The following BAZ2B variants were observed in gnomAD, a reference collection of about 807,000 sequenced individuals.
BAZ2B encodes bromodomain adjacent to zinc finger domain protein 2B.
In BAZ2B, 91 loss-of-function variants were observed where a neutral mutation model predicts 246.0. The observed-to-expected ratio is 0.37, with a 90% confidence interval of 0.31 to 0.44. BAZ2B has a LOEUF of 0.44. BAZ2B is among the 20% of genes least tolerant of loss of function. BAZ2B has a pLI of 1.00. For missense variants in BAZ2B, 2,332 were observed against 2,533.7 expected (o/e 0.92, Z 1.71); for synonymous variants, 855 against 860.0 (o/e 0.99, Z 0.10).
At position 159,453,729 on chromosome 2, in the gene BAZ2B, C is replaced by A; in HGVS notation, c.218G>T (p.Ser73Ile). The A allele has an allele frequency of 6.2e-7, 1 of 1,613,716 alleles. No individual in the cohort carries two copies. The highest frequency in any genetic ancestry group is 8.5e-7 in the Non-Finnish European group (1 of 1,179,842). ...STVSSAFPMV[S>I]HPVFGLHSAS... Reference sequence around the variant, plus strand: ...TGAATGTAGACCAAAGACTGGGTGGCTGACCATTGGGAAGGCACTCGACAC... The same window carrying A: ...TGAATGTAGACCAAAGACTGGGTGGATGACCATTGGGAAGGCACTCGACAC... The change falls in exon 4 of 37, where the codon AGC becomes ATC. Residue 73 changes from serine (S) to isoleucine (I), a missense_variant. Transcript: ENST00000392783.
At chr2:159,414,426 C>A (rs1055883802) in intron 13 of BAZ2B, among the ~76,000 whole-genome samples, 1 of 152,110 alleles carries the variant, frequency 6.6e-6, no homozygotes, top group African/African-American at 2.4e-5. Context: ...AAGAGTATAA[C>A]TGGATTGTTT....
At chr2:159,373,929 G>C (rs540458041) in intron 26 of BAZ2B, among the ~76,000 whole-genome samples, 1 of 152,230 alleles carries the variant, frequency 6.6e-6, no homozygotes, top group East Asian at 1.9e-4. Flanking sequence ...ATATAATTAA[G>C]TTTTGGGATA....
intron 3 of BAZ2B, among the ~76,000 whole-genome samples, chr2:159,455,611 T>C (rs1011359064): frequency 6.6e-6 from 1 of 152,012 alleles, no homozygotes; most frequent in African/African-American, 2.4e-5. Context: ...CAGCTAATCA[T>C]TGTTTTTGTT....
chr2:159,371,527 C>A (rs1466541566), intron 27 of BAZ2B, among the ~76,000 whole-genome samples: 1 of 152,204 alleles, frequency 6.6e-6, no homozygotes, highest in Non-Finnish European at 1.5e-5. Context: ...TTTCTTACAG[C>A]AATTCAACCT....
At chr2:159,342,013 A>G (rs1380357377) in intron 31 of BAZ2B, among the ~76,000 whole-genome samples, 2 of 152,224 alleles carry the variant, frequency 1.3e-5, no homozygotes, top group Admixed American at 1.3e-4. Flanking sequence ...AAGAAACAAT[A>G]AAGATCAGAG....
intron 1 of BAZ2B, among the ~76,000 whole-genome samples, chr2:159,609,545 G>C (rs1335495895): frequency 6.6e-6 from 1 of 152,114 alleles, no homozygotes; most frequent in Non-Finnish European, 1.5e-5. Context: ...GGATAATTCT[G>C]TTATTGATCT....
Position 159,433,105 on chromosome 2 carries a change from T to C in BAZ2B, c.1552A>G (p.Lys518Glu), listed in dbSNP as rs146351249. Residue 518 changes from lysine to glutamate, a missense_variant, in exon 9 of 37, where the codon AAG becomes GAG. Physicochemically the swap from Lys to Glu is moderately conservative, Grantham distance 56. Coordinates refer to ENST00000392783, the MANE Select transcript of BAZ2B (RefSeq NM_013450.4). ...GCAGCAGCAATGTTTTCATTAATCT[T>C]GCTCTGCATTTTAGTTTTGGTAGTA... is the stretch of plus-strand genomic sequence containing the variant. ...ALTTKTKMQS[K>E]INENIAAASS... The C allele has an allele frequency of 6.2e-7, 1 of 1,614,122 alleles. No individual in the cohort carries two copies. Among genetic ancestry groups the C allele is most frequent in the African/African-American group, 1.3e-5 (1 of 74,948 alleles).
intron 14 of BAZ2B, chr2:159,411,972 T>C (rs150583989): frequency 2.0e-6 from 2 of 985,264 alleles, no homozygotes; most frequent in Non-Finnish European, 1.2e-6. Context: ...GTTATTCCCA[T>C]GTACCACCTC....
rs1309791346 is a variant in BAZ2B, at chr2:159,349,906, C to A, written c.4665G>T (p.Lys1555Asn). ...GCAAAAGACTAAACCATTGTCTATT[C>A]TTTTCAGTCAGCGTTTTTAGTAACT... is the stretch of plus-strand genomic sequence containing the variant. ...NDQLLKTLTE[K>N]NRQWFSLLPR... The change falls in exon 28 of 37, where the codon AAG becomes AAT. Residue 1555 changes from lysine (K) to asparagine (N), a missense_variant. Coordinates refer to ENST00000392783, the MANE Select transcript of BAZ2B (RefSeq NM_013450.4). 1.2e-5 allele frequency: 19 copies of A among 1,614,042 alleles called. No homozygotes were observed. The highest frequency in any genetic ancestry group is 1.5e-5 in the Non-Finnish European group (18 of 1,180,010).
rs1359590152 is a variant in BAZ2B, at chr2:159,348,667, T to A, written c.5293+11A>T. On this transcript the variant is annotated intron_variant, in intron 30 of 36. Transcript: ENST00000392783. ...CAAGAAAGAAAGCTGAAATATCTTT[T>A]AGGTACACACCATCCTTATTCTTGA... 1 of 1,580,412 alleles carries A rather than the reference T, an allele frequency of 6.3e-7. No homozygotes were observed. Among genetic ancestry groups the A allele is most frequent in the Non-Finnish European group, 8.5e-7 (1 of 1,170,666 alleles).
intron 27 of BAZ2B, among the ~76,000 whole-genome samples, chr2:159,372,572 T>A (rs1203192814): frequency 6.6e-6 from 1 of 152,092 alleles, no homozygotes; most frequent in African/African-American, 2.4e-5. Context: ...AAGGAAGAAG[T>A]CTGAAGGAGA....
chr2:159,609,133 G>GGT (rs1230407469), intron 1 of BAZ2B, among the ~76,000 whole-genome samples: 2 of 152,114 alleles, frequency 1.3e-5, no homozygotes, highest in African/African-American at 4.8e-5. Context: ...GAGACACAAA[G>GGT]GTGTTCTCCT....
the BAZ2B span, chr2:159,695,177 A>G: frequency 1.4e-4 from 22 of 152,190 alleles, no homozygotes; most frequent in Admixed American, 7.2e-4. Flanking sequence ...TTTTACAATA[A>G]TGATTGTAAG....
At chr2:159,550,989 C>T (rs1421121763) in intron 2 of BAZ2B, among the ~76,000 whole-genome samples, 1 of 152,076 alleles carries the variant, frequency 6.6e-6, no homozygotes, top group African/African-American at 2.4e-5. Flanking sequence ...GCTTGAGCCA[C>T]CATGCCTAGC....
chr2:159,683,023 C>G, the BAZ2B span, among the ~76,000 whole-genome samples: 1 of 150,450 alleles, frequency 6.6e-6, no homozygotes. Flanking sequence ...TGTAAGAATT[C>G]GGAGTGCATT....
At chr2:159,512,290 C>G (rs1048342872) in intron 2 of BAZ2B, among the ~76,000 whole-genome samples, 2 of 152,244 alleles carry the variant, frequency 1.3e-5, no homozygotes, top group Middle Eastern at 3.4e-3. Flanking sequence ...CATGAAATAA[C>G]TTCTATTTCG....
the BAZ2B span, among the ~76,000 whole-genome samples, chr2:159,662,130 G>C: frequency 6.6e-6 from 1 of 152,094 alleles, no homozygotes; most frequent in Non-Finnish European, 1.5e-5. Context: ...CTTTCACTTG[G>C]CATGTTATCA....
intron 2 of BAZ2B, among the ~76,000 whole-genome samples, chr2:159,537,797 C>A (rs151267504): frequency 6.6e-6 from 1 of 152,098 alleles, no homozygotes. Flanking sequence ...TTTGCTTATG[C>A]CTTTTTGAAA....
Position 159,395,562 on chromosome 2 carries a change from C to T in BAZ2B, c.3075+207G>A, listed in dbSNP as rs1576500315. 20 of 392,202 alleles carry T rather than the reference C, an allele frequency of 5.1e-5. No homozygotes were observed. In the East Asian group the frequency reaches 7.9e-4, roughly 15 times the overall value. 24.3% of individuals were successfully genotyped at this position (392,202 alleles called of 1,614,324 possible). On this transcript the variant is annotated intron_variant, in intron 20 of 36. Transcript: ENST00000392783. ...AAAAAAAGACAATTAAAATCTTAGC[C>T]AGGAAAACTAACACATACATTGGAA...
Sources: gnomAD v4.1 joint callset for allele counts (sites outside exome capture counted in the v4.1 genomes callset) on GRCh38, gnomAD v4.1.1 for gene constraint, MANE v1.5 for transcripts, NCBI Gene and HGNC (gene_info 2026-07-23, HGNC 2026-07-21) for gene names.